RBFOX1: variants seen among roughly 807,000 people sequenced by gnomAD.
The protein encoded by RBFOX1 is RNA binding fox-1 homolog 1.
A neutral mutation model predicts 57.7 loss-of-function variants in RBFOX1; 8 were observed. The ratio of observed to expected loss-of-function variants is 0.14; its 90% CI spans 0.08 to 0.25. The LOEUF is 0.25. Among genes scored for constraint, RBFOX1 ranks in the 10% least tolerant of loss-of-function variants. The pLI is 1.00. For synonymous variants in RBFOX1, 326 were observed against 222.4 expected (o/e 1.47, Z -4.15); for missense variants, 611 against 548.5 (o/e 1.11, Z -1.14).
In RBFOX1 at chr16:6,779,927, TTA is replaced by T. The variant is rs1418765187; in HGVS notation, c.-16+125285_-16+125286del. The stretch of plus-strand genomic sequence containing the variant: ...TATATATTTATATATTTATATATAT[TTA>T]TATATATTTATATATATTTATATAT... On this transcript the variant is annotated intron_variant, in intron 3 of 15. Transcript: ENST00000550418. 1.5e-3 allele frequency among the ~76,000 whole-genome samples: 13 copies of T among 8,544 alleles called. 1 individual carries two copies. The highest frequency in any genetic ancestry group is 3.6e-3 in the African/African-American group (6 of 1,668). 5.6% of individuals were successfully genotyped at this position (8,544 alleles called of 152,430 possible). A position where few individuals can be genotyped will look rare whatever the true frequency, so the allele number is the denominator to read the frequency against.
chr16:6,848,031 C>T (rs1471903038), intron 3 of RBFOX1, among the ~76,000 whole-genome samples: 1 of 152,060 alleles, frequency 6.6e-6, no homozygotes, highest in Non-Finnish European at 1.5e-5. Context: ...GGGGTCTTAC[C>T]ATGTTGGCCA....
intron 4 of RBFOX1, among the ~76,000 whole-genome samples, chr16:7,374,806 G>A (rs896557838): frequency 6.6e-6 from 1 of 152,178 alleles, no homozygotes; most frequent in Non-Finnish European, 1.5e-5. Context: ...ACCGCCATGA[G>A]GTTTGGCCAC....
chr16:7,710,294 T>C, intron 15 of RBFOX1: 5 of 1,144,976 alleles, frequency 4.4e-6, no homozygotes, highest in Non-Finnish European at 5.4e-6. Context: ...CAACAACTGG[T>C]CCAAATTCAA....
chr16:5,544,615 G>C (rs4497690), intron 2 of RBFOX1, among the ~76,000 whole-genome samples: 47,056 of 151,874 alleles, frequency 0.31, 8,654 homozygotes, highest in East Asian at 0.86. Context: ...AGTTCTTTGG[G>C]AAGATCAATA....
At chr16:5,582,645 T>C (rs541527052) in intron 2 of RBFOX1, among the ~76,000 whole-genome samples, 1 of 149,640 alleles carries the variant, frequency 6.7e-6, no homozygotes, top group South Asian at 2.2e-4. Context: ...CTGCCTCCTG[T>C]GTTCAAATGA....
At chr16:5,529,658 C>A (rs2044385089) in intron 2 of RBFOX1, among the ~76,000 whole-genome samples, 1 of 151,786 alleles carries the variant, frequency 6.6e-6, no homozygotes, top group Admixed American at 6.6e-5. Context: ...TCTCCACCTC[C>A]CGGGTTTAAG....
In RBFOX1 at chr16:6,712,675, C is replaced by A. The variant is rs113972329; in HGVS notation, c.-16+58025C>A. On this transcript the variant is annotated intron_variant, in intron 3 of 15. Transcript: ENST00000550418. ...GTAGGCACTCTGATAGGCATGGCAG[C>A]CAAAATGTCTCCTAAGTATCTCTGA... Among the ~76,000 whole-genome samples the A allele has an allele frequency of 2.7e-3, 418 of 152,160 alleles. 3 individuals are homozygous for A. The highest frequency in any genetic ancestry group is 9.7e-3 in the African/African-American group (402 of 41,516).
intron 5 of RBFOX1, among the ~76,000 whole-genome samples, chr16:7,566,237 C>A (rs1413546866): frequency 6.6e-6 from 1 of 152,140 alleles, no homozygotes; most frequent in Admixed American, 6.6e-5. Context: ...GTAGTTCAAA[C>A]CACACAGCTG....
intron 2 of RBFOX1, among the ~76,000 whole-genome samples, chr16:5,547,433 A>C (rs546809308): frequency 2.6e-5 from 4 of 152,328 alleles, no homozygotes; most frequent in Admixed American, 6.5e-5. Flanking sequence ...AGTAAAAAGG[A>C]ATGAGCTATC....
intron 4 of RBFOX1, among the ~76,000 whole-genome samples, chr16:7,403,567 C>A (rs866366384): frequency 6.9e-6 from 1 of 145,554 alleles, no homozygotes; most frequent in Non-Finnish European, 1.5e-5. Context: ...GAGAATCCCC[C>A]CCCCCCCACT....
intron 4 of RBFOX1, among the ~76,000 whole-genome samples, chr16:7,474,989 C>G (rs916828912): frequency 6.6e-6 from 1 of 152,136 alleles, no homozygotes; most frequent in Admixed American, 6.5e-5. Flanking sequence ...TTGAATGTCC[C>G]AGGATGGTAC....
chr16:5,572,367 A>G (rs1322616133), intron 2 of RBFOX1, among the ~76,000 whole-genome samples: 1 of 152,164 alleles, frequency 6.6e-6, no homozygotes, highest in Non-Finnish European at 1.5e-5. Context: ...GCAGACAAAA[A>G]TCCCTGAGGC....
rs553024814 is a variant in RBFOX1, at chr16:6,412,733, T to C, written c.-64+95676T>C. 1.1e-4 allele frequency among the ~76,000 whole-genome samples: 16 copies of C among 152,332 alleles called. No homozygotes were observed. The East Asian group carries it at 1.2e-3, about 11-fold the overall frequency. ...CCAGTTTTGTGGCTGCTAATGGACA[T>C]GTGAAGCACTTACTTAGTTGTCTCG... is the stretch of plus-strand genomic sequence containing the variant. On this transcript the variant is annotated intron_variant, in intron 2 of 15. Transcript: ENST00000550418.
chr16:7,324,851 A>G (rs2096591052), intron 4 of RBFOX1, among the ~76,000 whole-genome samples: 1 of 152,208 alleles, frequency 6.6e-6, no homozygotes, highest in Non-Finnish European at 1.5e-5. Flanking sequence ...CTTCTGATTT[A>G]AAGGTACCAT....
At chr16:6,879,218 A>C (rs2062428319) in intron 3 of RBFOX1, among the ~76,000 whole-genome samples, 1 of 152,202 alleles carries the variant, frequency 6.6e-6, no homozygotes, top group African/African-American at 2.4e-5. Flanking sequence ...TTTTATGATT[A>C]TTCAATGAAT....
intron 2 of RBFOX1, among the ~76,000 whole-genome samples, chr16:6,586,147 G>C (rs768966200): frequency 6.6e-6 from 1 of 152,146 alleles, no homozygotes; most frequent in African/African-American, 2.4e-5. Context: ...CAGACGTTTG[G>C]AATCAGGAGG....
intron 1 of RBFOX1, among the ~76,000 whole-genome samples, chr16:5,410,653 C>T (rs1267131304): frequency 6.6e-6 from 1 of 152,202 alleles, no homozygotes; most frequent in Admixed American, 6.5e-5. Flanking sequence ...CCACTGCTTC[C>T]ATTCTAAGCT....
At chr16:6,085,850 A>T (rs982979783) in intron 1 of RBFOX1, among the ~76,000 whole-genome samples, 4 of 152,078 alleles carry the variant, frequency 2.6e-5, no homozygotes, top group African/African-American at 9.7e-5. Context: ...TCTGGGATAC[A>T]TGTGCCAAAC....
At chr16:6,196,118 C>T (rs553487327) in intron 1 of RBFOX1, among the ~76,000 whole-genome samples, 1 of 152,318 alleles carries the variant, frequency 6.6e-6, no homozygotes, top group African/African-American at 2.4e-5. Context: ...TTCATTCTCA[C>T]TTAGTGCTTC....
Sources: gnomAD v4.1 joint callset for allele counts (sites outside exome capture counted in the v4.1 genomes callset) on GRCh38, gnomAD v4.1.1 for gene constraint, MANE v1.5 for transcripts, NCBI Gene and HGNC (gene_info 2026-07-23, HGNC 2026-07-21) for gene names.